PIK3C2G: variants seen among roughly 807,000 people sequenced by gnomAD.
PIK3C2G encodes phosphatidylinositol-4-phosphate 3-kinase catalytic subunit type 2 gamma.
Under a neutral mutation model 181.1 loss-of-function variants are expected in PIK3C2G, and 168 were observed. The ratio of observed to expected loss-of-function variants is 0.93; its 90% CI spans 0.82 to 1.05. The LOEUF (loss-of-function observed/expected upper bound fraction) is 1.05, where lower values mean the gene tolerates loss of function less well. Ranked by LOEUF, PIK3C2G falls within the 50% of genes least tolerant of loss-of-function variation. The pLI is 0.00. For synonymous variants in PIK3C2G, 573 were observed against 592.2 expected (o/e 0.97, Z 0.47); for missense variants, 1,869 against 1,732.8 (o/e 1.08, Z -1.40).
intron 16 of PIK3C2G, among the ~76,000 whole-genome samples, chr12:18,405,014 A>C (rs918681656): frequency 2.6e-5 from 4 of 152,176 alleles, no homozygotes; most frequent in African/African-American, 9.7e-5. Flanking sequence ...TTCAGAGGAA[A>C]GTAAAAAAGA....
intron 1 of PIK3C2G, among the ~76,000 whole-genome samples, chr12:18,256,276 T>C (rs1948145138): frequency 6.6e-6 from 1 of 151,954 alleles, no homozygotes; most frequent in African/African-American, 2.4e-5. Context: ...AAAACCTTAG[T>C]CTGCTTTTGA....
chr12:18,354,392 A>G (rs1211750925), intron 11 of PIK3C2G, among the ~76,000 whole-genome samples: 2 of 152,096 alleles, frequency 1.3e-5, no homozygotes, highest in Non-Finnish European at 2.9e-5. Context: ...GGCTGAAGGG[A>G]GCTGGCTCCC....
chr12:18,589,064 A>T (rs986407582), intron 29 of PIK3C2G, among the ~76,000 whole-genome samples: 4 of 151,910 alleles, frequency 2.6e-5, no homozygotes, highest in Non-Finnish European at 5.9e-5. Context: ...ACACAAAGAC[A>T]GGAACAACAG....
intron 1 of PIK3C2G, among the ~76,000 whole-genome samples, chr12:18,271,668 T>C (rs1052008070): frequency 1.3e-5 from 2 of 152,218 alleles, no homozygotes; most frequent in African/African-American, 2.4e-5. Flanking sequence ...CAATCCATTA[T>C]ATACTGATTG....
intron 24 of PIK3C2G, among the ~76,000 whole-genome samples, chr12:18,515,713 T>C (rs1390355197): frequency 6.6e-6 from 1 of 152,050 alleles, no homozygotes; most frequent in Admixed American, 6.6e-5. Context: ...TCTCATTTAT[T>C]TCTGTTCTGA....
intron 8 of PIK3C2G, among the ~76,000 whole-genome samples, chr12:18,330,581 A>G (rs980947481): frequency 3.9e-5 from 6 of 152,078 alleles, no homozygotes; most frequent in African/African-American, 7.2e-5. Flanking sequence ...TTGCTCATTT[A>G]TATATTTTCT....
intron 18 of PIK3C2G, among the ~76,000 whole-genome samples, chr12:18,460,360 T>C (rs1393521555): frequency 1.3e-5 from 2 of 151,804 alleles, no homozygotes; most frequent in African/African-American, 4.8e-5. Context: ...GATCACGAGG[T>C]CAGGAGTTTG....
intron 18 of PIK3C2G, among the ~76,000 whole-genome samples, chr12:18,435,835 T>C (rs1446836672): frequency 6.6e-6 from 1 of 152,050 alleles, no homozygotes; most frequent in African/African-American, 2.4e-5. Flanking sequence ...TCTTTGAAGA[T>C]GTCTCTGACC....
At chr12:18,690,037 G>C in the PIK3C2G span, among the ~76,000 whole-genome samples, 1 of 152,070 alleles carries the variant, frequency 6.6e-6, no homozygotes, top group Non-Finnish European at 1.5e-5. Flanking sequence ...TGGCACTTGT[G>C]AGCATTTGTG....
chr12:18,491,134 C>G (rs1940531542), intron 19 of PIK3C2G, among the ~76,000 whole-genome samples: 1 of 152,104 alleles, frequency 6.6e-6, no homozygotes, highest in Non-Finnish European at 1.5e-5. Flanking sequence ...AAATTGGCGG[C>G]CACGCAGGTC....
chr12:18,379,521 A>G (rs1172514074), intron 13 of PIK3C2G, among the ~76,000 whole-genome samples: 2 of 152,194 alleles, frequency 1.3e-5, no homozygotes, highest in African/African-American at 4.8e-5. Context: ...AATTTAAAAA[A>G]ATGCTGGGTC....
At chr12:18,466,308 G>A (rs1009639503) in intron 18 of PIK3C2G, among the ~76,000 whole-genome samples, 4 of 151,248 alleles carry the variant, frequency 2.6e-5, no homozygotes, top group African/African-American at 9.7e-5. Context: ...AAGTTTTTAC[G>A]GATCTAATTC....
chr12:18,549,604 T>C (rs1159759061), intron 26 of PIK3C2G, among the ~76,000 whole-genome samples: 2 of 152,080 alleles, frequency 1.3e-5, no homozygotes, highest in Non-Finnish European at 1.5e-5. Flanking sequence ...CTCTCAGGAA[T>C]GTGCTGCTTT....
intron 13 of PIK3C2G, chr12:18,372,689 T>C (rs1053758555): frequency 4.6e-5 from 7 of 152,242 alleles, no homozygotes; most frequent in African/African-American, 1.7e-4. Flanking sequence ...TCTCCCATCA[T>C]GTAACACACT....
chr12:18,523,404 T>C (rs1219253867), intron 24 of PIK3C2G, among the ~76,000 whole-genome samples: 1 of 152,218 alleles, frequency 6.6e-6, no homozygotes, highest in Non-Finnish European at 1.5e-5. Flanking sequence ...GCTGTACTAT[T>C]TAGTATAACC....
At position 18,640,549 on chromosome 12, in the gene PIK3C2G, G is replaced by T. The variant is rs267603405; in HGVS notation, c.4303G>T (p.Glu1435Ter). The T allele has an allele frequency of 1.3e-6, 2 of 1,593,480 alleles. No individual in the cohort carries two copies. The highest frequency in any genetic ancestry group is 4.5e-5 in the East Asian group (2 of 44,284). Reference sequence around the variant, plus strand: ...AAAATGTACGGACCCCACTTACAATGAAATTGTAAGTATAAGTCACCTTTT... The same window carrying T: ...AAAATGTACGGACCCCACTTACAATTAAATTGTAAGTATAAGTCACCTTTT... The part of the protein sequence containing the change: ...VPKCTDPTYN[E>*]IVVYDEVTEL... The change falls in exon 32 of 33, where the codon GAA (glutamate) becomes TAA (stop). Residue 1435 changes from glutamate to a stop codon, truncating the protein, a stop_gained. Coordinates refer to ENST00000538779, the MANE Select transcript of PIK3C2G (RefSeq NM_001288772.2). LOFTEE classifies it high-confidence loss of function.
chr12:18,645,970 G>A lies in PIK3C2G; in HGVS notation c.4309-1906G>A, dbSNP rs192289358. On this transcript the variant is annotated intron_variant, in intron 32 of 32. Transcript: ENST00000538779. ...AGTTCATCAGCTGAACATGATGTAG[G>A]AAGAAAAATGGAGAATAGTTCAGAC... Among the ~76,000 whole-genome samples the A allele has an allele frequency of 1.5e-3, 231 of 152,152 alleles. 1 individual carries two copies. The highest frequency in any genetic ancestry group is 2.9e-3 in the Non-Finnish European group (199 of 68,002).
the PIK3C2G span, among the ~76,000 whole-genome samples, chr12:18,716,533 CAG>C: frequency 2.6e-5 from 4 of 152,158 alleles, no homozygotes; most frequent in Admixed American, 6.5e-5. Flanking sequence ...TTTTTGGAAA[CAG>C]AGAAAATTTC....
At chr12:18,376,619 G>A (rs925388415) in intron 13 of PIK3C2G, among the ~76,000 whole-genome samples, 5 of 152,156 alleles carry the variant, frequency 3.3e-5, no homozygotes, top group Admixed American at 1.3e-4. Context: ...GGAGCCAGGG[G>A]CAGAGTAATA....
Sources: allele counts gnomAD v4.1 joint callset (sites outside exome capture counted in the v4.1 genomes callset), GRCh38; gene constraint gnomAD v4.1.1; transcripts MANE v1.5; gene names NCBI Gene and HGNC (gene_info 2026-07-23, HGNC 2026-07-21).